Variants in PLPPR1 observed in about 807,000 individuals in gnomAD.
PLPPR1 encodes phospholipid phosphatase related 1.
A neutral mutation model predicts 33.1 loss-of-function variants in PLPPR1; 10 were observed. That is an observed-to-expected ratio of 0.30 (90% CI 0.19 to 0.51). PLPPR1 has a LOEUF of 0.51. Among genes scored for constraint, PLPPR1 ranks in the 20% least tolerant of loss-of-function variants. The pLI, the probability that PLPPR1 is intolerant of heterozygous loss-of-function variation, is 0.97. For synonymous variants in PLPPR1, 151 were observed against 151.0 expected (o/e 1.00, Z 0.00); for missense variants, 304 against 408.1 (o/e 0.74, Z 2.20).
intron 2 of PLPPR1, among the ~76,000 whole-genome samples, chr9:101,207,459 G>A (rs938418444): frequency 3.3e-5 from 5 of 152,066 alleles, no homozygotes; most frequent in African/African-American, 4.8e-5. Flanking sequence ...TTCATGCTCT[G>A]AACAATTGGG....
intron 2 of PLPPR1, among the ~76,000 whole-genome samples, chr9:101,232,635 T>C (rs930773495): frequency 6.6e-6 from 1 of 151,976 alleles, no homozygotes; most frequent in Admixed American, 6.6e-5. Flanking sequence ...GATTCACATA[T>C]CACAATAGCC....
intron 4 of PLPPR1, among the ~76,000 whole-genome samples, chr9:101,301,133 C>T (rs1379283589): frequency 2.0e-5 from 3 of 152,124 alleles, no homozygotes; most frequent in African/African-American, 4.8e-5. Flanking sequence ...AAGTAATTAT[C>T]CTTCATCTTC....
chr9:101,070,102 C>T (rs750738855), intron 1 of PLPPR1, among the ~76,000 whole-genome samples: 8 of 152,076 alleles, frequency 5.3e-5, no homozygotes, highest in Admixed American at 1.3e-4. Context: ...TTTGTCCCTA[C>T]CCCCTTCCGT....
At chr9:101,296,045 C>T (rs1370265546) in intron 4 of PLPPR1, among the ~76,000 whole-genome samples, 1 of 151,870 alleles carries the variant, frequency 6.6e-6, no homozygotes, top group East Asian at 1.9e-4. Context: ...ATTTTCACAA[C>T]CTACTCATCT....
intron 3 of PLPPR1, among the ~76,000 whole-genome samples, chr9:101,285,607 A>G (rs1828380325): frequency 6.6e-6 from 1 of 152,162 alleles, no homozygotes; most frequent in Non-Finnish European, 1.5e-5. Flanking sequence ...ACCATAGACT[A>G]ATTGATATAA....
At chr9:101,087,977 G>T (rs1408167139) in intron 1 of PLPPR1, among the ~76,000 whole-genome samples, 1 of 152,178 alleles carries the variant, frequency 6.6e-6, no homozygotes, top group African/African-American at 2.4e-5. Context: ...ACTAAGCAGA[G>T]AGACTGGTAC....
intron 1 of PLPPR1, among the ~76,000 whole-genome samples, chr9:101,142,397 C>A: frequency 6.6e-6 from 1 of 152,150 alleles, no homozygotes; most frequent in East Asian, 1.9e-4. Flanking sequence ...GACAGCTAGG[C>A]TTGTACTTAA....
chr9:101,058,922 G>T (rs989912580), intron 1 of PLPPR1, among the ~76,000 whole-genome samples: 3 of 152,190 alleles, frequency 2.0e-5, no homozygotes, highest in Admixed American at 2.0e-4. Flanking sequence ...ATTAACTTAA[G>T]GTCACACAGC....
chr9:101,209,530 C>G (rs1053944234), intron 2 of PLPPR1, among the ~76,000 whole-genome samples: 2 of 152,160 alleles, frequency 1.3e-5, no homozygotes, highest in African/African-American at 4.8e-5. Context: ...TGTGCTTCTT[C>G]CCTTTATAAA....
intron 4 of PLPPR1, among the ~76,000 whole-genome samples, chr9:101,292,650 C>T (rs1019640824): frequency 1.3e-5 from 2 of 151,988 alleles, no homozygotes; most frequent in East Asian, 1.9e-4. Flanking sequence ...GGCCAATATT[C>T]AACATTCTTA....
chr9:101,264,531 C>A (rs968857278), intron 2 of PLPPR1, among the ~76,000 whole-genome samples: 3 of 152,184 alleles, frequency 2.0e-5, no homozygotes, highest in Non-Finnish European at 4.4e-5. Context: ...CTACAGAAGA[C>A]TTGTTGTTCC....
chr9:101,282,589 G>A (rs1250855572), intron 3 of PLPPR1, among the ~76,000 whole-genome samples: 1 of 152,092 alleles, frequency 6.6e-6, no homozygotes, highest in Non-Finnish European at 1.5e-5. Flanking sequence ...GAAAGAAAAG[G>A]CATTCAAATT....
At chr9:101,274,384 C>T (rs1828151038) in intron 3 of PLPPR1, among the ~76,000 whole-genome samples, 1 of 152,140 alleles carries the variant, frequency 6.6e-6, no homozygotes, top group Admixed American at 6.5e-5. Context: ...AAGGTTCCAC[C>T]TGGTTCTGTA....
At chr9:101,316,244 G>A (rs1829047829) in intron 6 of PLPPR1, among the ~76,000 whole-genome samples, 1 of 152,074 alleles carries the variant, frequency 6.6e-6, no homozygotes, top group South Asian at 2.1e-4. Context: ...AGACCATCCT[G>A]GCTAACACGG....
chr9:101,257,851 A>G (rs1022117072), intron 2 of PLPPR1, among the ~76,000 whole-genome samples: 1 of 151,920 alleles, frequency 6.6e-6, no homozygotes, highest in Admixed American at 6.6e-5. Flanking sequence ...AAGTGGATTA[A>G]TCTATTTTTA....
intron 3 of PLPPR1, among the ~76,000 whole-genome samples, chr9:101,276,506 C>G (rs540801805): frequency 1.3e-5 from 2 of 152,144 alleles, no homozygotes; most frequent in South Asian, 4.2e-4. Flanking sequence ...TGTTAAGGAA[C>G]TTGACAATTT....
intron 4 of PLPPR1, among the ~76,000 whole-genome samples, chr9:101,300,033 G>A (rs144409472): frequency 1.9e-3 from 290 of 151,952 alleles, no homozygotes; most frequent in African/African-American, 6.5e-3. Context: ...AGACTTTTAA[G>A]AAGTTATACA....
In PLPPR1 at chr9:101,120,628, T is replaced by C. The variant is rs188707177; in HGVS notation, c.-45-64822T>C. The stretch of plus-strand genomic sequence containing the variant: ...TCTTTTATCTTAAGATATTTCCATT[T>C]CTTCAGCTAAACAATGGAGATGATT... On this transcript the variant is annotated intron_variant, in intron 1 of 7. Transcript: ENST00000374874. Among the ~76,000 whole-genome samples the C allele has an allele frequency of 2.4e-4, 37 of 152,338 alleles. 1 individual carries two copies. Among genetic ancestry groups the C allele is most frequent in the African/African-American group, 8.9e-4 (37 of 41,578 alleles).
At chr9:101,144,783 A>G (rs1163647710) in intron 1 of PLPPR1, among the ~76,000 whole-genome samples, 4 of 152,190 alleles carry the variant, frequency 2.6e-5, no homozygotes, top group Non-Finnish European at 5.9e-5. Flanking sequence ...TTTGAAAACT[A>G]CTGGTCTGAA....
Sources: allele counts gnomAD v4.1 joint callset (sites outside exome capture counted in the v4.1 genomes callset), GRCh38; gene constraint gnomAD v4.1.1; transcripts MANE v1.5; gene names NCBI Gene and HGNC (gene_info 2026-07-23, HGNC 2026-07-21).